MYO16: variants seen among roughly 807,000 people sequenced by gnomAD.
The protein encoded by MYO16 is myosin XVI.
A neutral mutation model predicts 205.3 loss-of-function variants in MYO16; 94 were observed. That is an observed-to-expected ratio of 0.46 (90% CI 0.39 to 0.54). The LOEUF (loss-of-function observed/expected upper bound fraction) is 0.54. Ranked by LOEUF, MYO16 falls within the 20% of genes least tolerant of loss-of-function variation. The pLI is 0.00. For missense variants in MYO16, 2,315 were observed against 2,387.5 expected, an observed-to-expected ratio of 0.97 and a Z score of 0.63; for synonymous variants, 988 against 954.0, an observed-to-expected ratio of 1.04 and a Z score of -0.66.
the MYO16 span, among the ~76,000 whole-genome samples, chr13:108,520,163 C>A: frequency 6.6e-6 from 1 of 152,162 alleles, no homozygotes; most frequent in Admixed American, 6.5e-5. Context: ...GTGACCTGGG[C>A]AAGTCATTTA....
At chr13:108,618,069 C>T (rs1879412338) in intron 1 of MYO16, among the ~76,000 whole-genome samples, 1 of 152,168 alleles carries the variant, frequency 6.6e-6, no homozygotes, top group Non-Finnish European at 1.5e-5. Flanking sequence ...ACTACCATGA[C>T]TCAATTTCAA....
At chr13:108,504,825 AC>A in the MYO16 span, among the ~76,000 whole-genome samples, 2 of 152,078 alleles carry the variant, frequency 1.3e-5, no homozygotes, top group African/African-American at 2.4e-5. Flanking sequence ...ATGAGCCACC[AC>A]GCCCTGCCAA....
chr13:108,787,551 T>C (rs1016162717), intron 5 of MYO16, among the ~76,000 whole-genome samples: 2 of 152,246 alleles, frequency 1.3e-5, no homozygotes, highest in African/African-American at 4.8e-5. Context: ...ATAGGAAATT[T>C]TAGTATTGCA....
intron 12 of MYO16, among the ~76,000 whole-genome samples, chr13:108,880,340 T>C (rs1359920031): frequency 6.6e-6 from 1 of 152,252 alleles, no homozygotes; most frequent in Non-Finnish European, 1.5e-5. Flanking sequence ...GTAGTTTCTT[T>C]TGCTGTGCAG....
intron 12 of MYO16, among the ~76,000 whole-genome samples, chr13:108,880,791 T>C (rs962252703): frequency 2.0e-5 from 3 of 152,202 alleles, no homozygotes; most frequent in Non-Finnish European, 4.4e-5. Context: ...TGAAGTCAGG[T>C]AGCATGATGC....
At chr13:109,172,388 T>G (rs1304861460) in intron 33 of MYO16, among the ~76,000 whole-genome samples, 1 of 152,210 alleles carries the variant, frequency 6.6e-6, no homozygotes, top group Non-Finnish European at 1.5e-5. Flanking sequence ...CACTCATCCT[T>G]CTAGTTAAAA....
intron 11 of MYO16, 100 bp downstream of exon 11, chr13:108,855,653 A>G: frequency 1.3e-6 from 1 of 752,290 alleles, no homozygotes; most frequent in East Asian, 2.7e-5. Context: ...GGCTCATTGG[A>G]GCTTCTGGTA....
intron 16 of MYO16, among the ~76,000 whole-genome samples, chr13:108,912,592 C>G (rs1385658088): frequency 1.3e-5 from 2 of 152,024 alleles, no homozygotes; most frequent in Non-Finnish European, 2.9e-5. Context: ...TATGCAGCAG[C>G]AGTATTGACA....
intron 2 of MYO16, among the ~76,000 whole-genome samples, chr13:108,711,798 A>G (rs9555494): frequency 0.037 from 5,644 of 152,308 alleles, 177 homozygotes; most frequent in East Asian, 0.14. Flanking sequence ...AACCTGAGCC[A>G]TTTTGTCCAG....
At chr13:108,662,387 G>A (rs1328197606) in intron 1 of MYO16, among the ~76,000 whole-genome samples, 1 of 152,186 alleles carries the variant, frequency 6.6e-6, no homozygotes, top group African/African-American at 2.4e-5. Context: ...AGGGTGGATA[G>A]GGAAGGACCA....
the MYO16 span, among the ~76,000 whole-genome samples, chr13:108,505,216 GT>G: frequency 6.6e-6 from 1 of 152,114 alleles, no homozygotes; most frequent in East Asian, 1.9e-4. Flanking sequence ...TACTTTTAAT[GT>G]TTTGAGGAAC....
intron 20 of MYO16, among the ~76,000 whole-genome samples, chr13:108,973,073 C>G (rs887512953): frequency 6.6e-6 from 1 of 151,868 alleles, no homozygotes; most frequent in Non-Finnish European, 1.5e-5. Context: ...GGAATGAAAG[C>G]TCAAGGATTT....
At chr13:108,502,596 T>G in the MYO16 span, among the ~76,000 whole-genome samples, 6 of 152,208 alleles carry the variant, frequency 3.9e-5, no homozygotes, top group African/African-American at 1.4e-4. Context: ...TAGTTGATAT[T>G]TTAAAAATAA....
the MYO16 span, among the ~76,000 whole-genome samples, chr13:108,531,282 A>G: frequency 2.0e-5 from 3 of 152,238 alleles, no homozygotes. Context: ...TTTTACACAT[A>G]AGACAATAAG....
In MYO16 at chr13:109,010,471, G is replaced by A. The variant is rs1047795635; in HGVS notation, c.2595+1422G>A. 3.5e-4 allele frequency among the ~76,000 whole-genome samples: 54 copies of A among 152,282 alleles called. 1 individual carries two copies. The highest frequency in any genetic ancestry group is 1.7e-3 in the Admixed American group (26 of 15,296). ...AGTAATCAACCACCTTATCCATGGA[G>A]AATATCATCTTGATTTTTGGAGCAG... On this transcript the variant is annotated intron_variant, in intron 22 of 34. Coordinates refer to ENST00000457511, the MANE Select transcript of MYO16 (RefSeq NM_001198950.3).
At chr13:109,195,886 T>C (rs966293017) in intron 34 of MYO16, among the ~76,000 whole-genome samples, 1 of 152,344 alleles carries the variant, frequency 6.6e-6, no homozygotes, top group African/African-American at 2.4e-5. Context: ...GAAGAAATTT[T>C]ATATCTTATG....
chr13:108,698,537 A>G (rs2139512623), intron 2 of MYO16, among the ~76,000 whole-genome samples: 1 of 152,328 alleles, frequency 6.6e-6, no homozygotes, highest in East Asian at 1.9e-4. Context: ...TTAAAACCTG[A>G]CAAGATAAGG....
intron 27 of MYO16, among the ~76,000 whole-genome samples, chr13:109,079,029 T>C (rs1888201932): frequency 7.0e-6 from 1 of 143,646 alleles, no homozygotes; most frequent in Non-Finnish European, 1.5e-5. Flanking sequence ...TGTGCAGCTG[T>C]CTCCTTTTTG....
intron 1 of MYO16, among the ~76,000 whole-genome samples, chr13:108,608,365 C>T (rs948419219): frequency 1.4e-4 from 22 of 152,258 alleles, no homozygotes; most frequent in African/African-American, 4.6e-4. Flanking sequence ...CCATGCTGCA[C>T]GCTCTGCCTA....
Sources: gnomAD v4.1 joint callset for allele counts (sites outside exome capture counted in the v4.1 genomes callset) on GRCh38, gnomAD v4.1.1 for gene constraint, MANE v1.5 for transcripts, NCBI Gene and HGNC (gene_info 2026-07-23, HGNC 2026-07-21) for gene names.